ASXL1: variants seen among roughly 807,000 people sequenced by gnomAD.
ASXL1 encodes polycomb group protein ASXL1.
Under a neutral mutation model 89.1 loss-of-function variants are expected in ASXL1, and 65 were observed. The ratio of observed to expected loss-of-function variants is 0.73; its 90% CI spans 0.60 to 0.90. The LOEUF is 0.90. Ranked by LOEUF, ASXL1 falls within the 40% of genes least tolerant of loss-of-function variation. The probability of loss-of-function intolerance (pLI) is 0.00; values close to 1 mark genes in which losing one functional copy is unlikely to be tolerated. For synonymous variants in ASXL1, 739 were observed against 746.9 expected, an observed-to-expected ratio of 0.99 and a Z score of 0.17; for missense variants, 1,786 against 1,942.9, an observed-to-expected ratio of 0.92 and a Z score of 1.52.
chr20:32,404,647 A>G (rs1447758117), intron 4 of ASXL1, among the ~76,000 whole-genome samples: 3 of 152,018 alleles, frequency 2.0e-5, no homozygotes, highest in Non-Finnish European at 4.4e-5. Flanking sequence ...TTCTTGCTTG[A>G]TTGACTAGCT....
intron 4 of ASXL1, among the ~76,000 whole-genome samples, chr20:32,379,330 G>A (rs1216517877): frequency 6.8e-6 from 1 of 147,452 alleles, no homozygotes; most frequent in Non-Finnish European, 1.5e-5. Flanking sequence ...GATTACAGGT[G>A]CAGACCACCA....
At chr20:32,383,084 A>G (rs1326022167) in intron 4 of ASXL1, among the ~76,000 whole-genome samples, 1 of 152,190 alleles carries the variant, frequency 6.6e-6, no homozygotes, top group Non-Finnish European at 1.5e-5. Context: ...CATTATGCCA[A>G]TTTAGAATAA....
rs947918372 is a variant in ASXL1, at chr20:32,437,499, C to T, written c.*161C>T. ...ACTGCTAAAGCCCTCTGTCACTTGG[C>T]GACCCTTCTGGTCTTGCTGGAGGGG... On this transcript the variant is annotated 3_prime_UTR_variant, in exon 13 of 13. Coordinates refer to ENST00000375687, the MANE Select transcript of ASXL1 (RefSeq NM_015338.6). The T allele has an allele frequency of 2.5e-5, 29 of 1,179,066 alleles. No homozygotes were observed. Among genetic ancestry groups the T allele is most frequent in the Admixed American group, 8.2e-5 (4 of 48,758 alleles). The allele number at this position is 1,179,066 out of a possible 1,614,324, so 73.0% of individuals were successfully genotyped here.
chr20:32,404,325 A>G (rs1311550652), intron 4 of ASXL1, among the ~76,000 whole-genome samples: 2 of 152,226 alleles, frequency 1.3e-5, no homozygotes, highest in Non-Finnish European at 2.9e-5. Flanking sequence ...TGGTATTTTT[A>G]TCAGCATTTC....
At chr20:32,366,315 C>A in intron 1 of ASXL1, 69 bp from the exon 2 acceptor site, 1 of 1,358,418 alleles carries the variant, frequency 7.4e-7, no homozygotes, top group Non-Finnish European at 1.1e-6. Context: ...AACTTTAGCC[C>A]ATGATATATG....
chr20:32,368,941 GAGTTGGAGGGATTAGGTCTTTA>G (rs1234130982), intron 3 of ASXL1, 52 bp from the exon 4 acceptor site: 1 of 1,245,020 alleles, frequency 8.0e-7, no homozygotes, highest in Non-Finnish European at 1.2e-6. Context: ...ATTTAAGAAT[GAGTTGGAGGGATTAGGTCTTTA>G]AGTAGGCAGA....
At chr20:32,397,883 A>T (rs529580878) in intron 4 of ASXL1, among the ~76,000 whole-genome samples, 2 of 152,324 alleles carry the variant, frequency 1.3e-5, no homozygotes, top group South Asian at 4.1e-4. Context: ...CACGCCTGTA[A>T]TGTCTTTGCA....
Position 32,428,129 on chromosome 20 carries a change from A to G in ASXL1, c.254A>G (p.Lys85Arg), listed in dbSNP as rs758884216. 5.6e-6 allele frequency: 9 copies of G among 1,613,194 alleles called. No homozygotes were observed. The highest frequency in any genetic ancestry group is 7.6e-6 in the Non-Finnish European group (9 of 1,180,022). ...CTGAGTTGTACCTTGCTGTCACAGAAGGATGCCCTGCAGTGGTCTCGCCAT... is the reference window on the plus strand; with the variant it reads ...CTGAGTTGTACCTTGCTGTCACAGAGGGATGCCCTGCAGTGGTCTCGCCAT... Reference protein sequence around the residue: ...PGRISLFTLKKDALQWSRHPA... With the variant: ...PGRISLFTLKRDALQWSRHPA... The change falls in exon 5 of 13, where the codon AAG becomes AGG. Residue 85 changes from lysine (K) to arginine (R), a missense_variant and splice_region_variant. Transcript: ENST00000375687.
chr20:32,406,528 G>C (rs1166192811), intron 4 of ASXL1, among the ~76,000 whole-genome samples: 2 of 152,176 alleles, frequency 1.3e-5, no homozygotes, highest in Non-Finnish European at 2.9e-5. Context: ...TCCAGCCAGA[G>C]CTACTGAGTG....
At chr20:32,425,318 G>T (rs2011243603) in intron 4 of ASXL1, among the ~76,000 whole-genome samples, 1 of 152,220 alleles carries the variant, frequency 6.6e-6, no homozygotes, top group African/African-American at 2.4e-5. Context: ...GAACATGTGG[G>T]TTGTGATTTG....
intron 4 of ASXL1, among the ~76,000 whole-genome samples, chr20:32,395,365 T>C (rs1424721894): frequency 6.6e-6 from 1 of 152,216 alleles, no homozygotes; most frequent in East Asian, 1.9e-4. Flanking sequence ...TCCTGTAAAA[T>C]CTGTTGTTAT....
chr20:32,373,677 G>A (rs2048335439), intron 4 of ASXL1, among the ~76,000 whole-genome samples: 1 of 152,078 alleles, frequency 6.6e-6, no homozygotes, highest in African/African-American at 2.4e-5. Flanking sequence ...GACCAGCCTG[G>A]CCAACATGGT....
intron 4 of ASXL1, 85 bp downstream of exon 4, chr20:32,369,208 G>A (rs911199994): frequency 1.3e-5 from 17 of 1,299,204 alleles, no homozygotes; most frequent in African/African-American, 2.9e-5. Context: ...TGGAATAGGG[G>A]CCATGAATTT....
chr20:32,393,895 A>G (rs1236220133), intron 4 of ASXL1, among the ~76,000 whole-genome samples: 2 of 151,474 alleles, frequency 1.3e-5, no homozygotes, highest in Non-Finnish European at 2.9e-5. Context: ...CAGTGGTGCA[A>G]TCTCAACTCA....
chr20:32,387,794 C>T (rs1190267363), intron 4 of ASXL1, among the ~76,000 whole-genome samples: 1 of 152,188 alleles, frequency 6.6e-6, no homozygotes, highest in Admixed American at 6.5e-5. Flanking sequence ...TCCTTTTGAA[C>T]GTCAGACTCA....
At chr20:32,427,616 G>GTTGCTAATTTATTTTAAAT (rs1352362693) in intron 4 of ASXL1, 1 of 182,840 alleles carries the variant, frequency 5.5e-6, no homozygotes, top group Non-Finnish European at 1.2e-5. Context: ...TGTCTGTCTA[G>GTTGCTAATTTATTTTAAAT]TTGCTAATTT....
Position 32,358,759 on chromosome 20 carries a change from C to T in ASXL1, c.-17C>T, listed in dbSNP as rs1569227758. The T allele has an allele frequency of 5.4e-6, 8 of 1,473,884 alleles. No homozygotes were observed. Among genetic ancestry groups the T allele is most frequent in the Non-Finnish European group, 7.2e-6 (8 of 1,103,880 alleles). 91.3% of individuals were successfully genotyped at this position (1,473,884 alleles called of 1,614,324 possible). A position where few individuals can be genotyped will look rare whatever the true frequency, so the allele number is the denominator to read the frequency against. On this transcript the variant is annotated 5_prime_UTR_variant, in exon 1 of 13. Transcript: ENST00000375687. ...CGGAGGTCCCGCGTGGAGCTGCCGC[C>T]GCCGCCGGGGAGAAGGATGAAGGAC...
chr20:32,371,472 A>G (rs78142777), intron 4 of ASXL1, among the ~76,000 whole-genome samples: 3,984 of 151,982 alleles, frequency 0.026, 169 homozygotes, highest in African/African-American at 0.09. Flanking sequence ...TTTTTTGTGG[A>G]GAAGGAGTTT....
intron 4 of ASXL1, among the ~76,000 whole-genome samples, chr20:32,391,025 C>T (rs1290325452): frequency 6.6e-6 from 1 of 151,954 alleles, no homozygotes; most frequent in Non-Finnish European, 1.5e-5. Context: ...GTAGCTGGGA[C>T]TGCAGGCGCA....
Sources: gnomAD v4.1 joint callset for allele counts (sites outside exome capture counted in the v4.1 genomes callset) on GRCh38, gnomAD v4.1.1 for gene constraint, MANE v1.5 for transcripts, NCBI Gene and HGNC (gene_info 2026-07-23, HGNC 2026-07-21) for gene names.